SOX5: variants seen among roughly 807,000 people sequenced by gnomAD.
The protein encoded by SOX5 is SRY-box transcription factor 5, also known as transcription factor SOX-5.
SOX5 carries 9 observed loss-of-function variants against 92.0 expected under a neutral mutation model. The ratio of observed to expected loss-of-function variants is 0.10; its 90% CI spans 0.06 to 0.17. SOX5 has a LOEUF of 0.17. SOX5 is among the 10% of genes least tolerant of loss of function. The pLI, the probability that SOX5 is intolerant of heterozygous loss-of-function variation, is 1.00. For synonymous variants in SOX5, 344 were observed against 336.3 expected, an observed-to-expected ratio of 1.02 and a Z score of -0.25; for missense variants, 642 against 944.5, an observed-to-expected ratio of 0.68 and a Z score of 4.20.
intron 4 of SOX5, among the ~76,000 whole-genome samples, chr12:24,154,859 A>G (rs1036306602): frequency 2.6e-5 from 4 of 152,172 alleles, no homozygotes; most frequent in Admixed American, 2.0e-4. Flanking sequence ...GTTATTAGAT[A>G]TGGAAAATTG....
intron 1 of SOX5, among the ~76,000 whole-genome samples, chr12:24,396,753 A>G (rs1428341037): frequency 1.3e-5 from 2 of 152,254 alleles, no homozygotes; most frequent in Non-Finnish European, 2.9e-5. Flanking sequence ...TGTGTAGAGT[A>G]GGCCTAAATC....
At chr12:23,757,020 GA>G (rs913279060) in intron 3 of SOX5, among the ~76,000 whole-genome samples, 16 of 149,584 alleles carry the variant, frequency 1.1e-4, no homozygotes, top group African/African-American at 2.5e-4. Context: ...ATTTTCCTTG[GA>G]AAAAAAAAGT....
intron 1 of SOX5, among the ~76,000 whole-genome samples, chr12:23,904,293 C>A (rs571641849): frequency 2.5e-4 from 38 of 152,114 alleles, no homozygotes; most frequent in African/African-American, 8.7e-4. Flanking sequence ...ATAGAACATG[C>A]CAATCTCCAT....
intron 6 of SOX5, among the ~76,000 whole-genome samples, chr12:23,665,766 A>G (rs2083693145): frequency 1.3e-5 from 2 of 152,206 alleles, no homozygotes; most frequent in South Asian, 4.1e-4. Flanking sequence ...GCTGAAAGGT[A>G]TTATTAAGTC....
intron 3 of SOX5, among the ~76,000 whole-genome samples, chr12:23,784,358 A>C (rs559030121): frequency 4.6e-5 from 7 of 151,704 alleles, no homozygotes; most frequent in Admixed American, 1.3e-4. Flanking sequence ...ACAGAGTCTC[A>C]CTCTGTCACC....
At chr12:24,466,295 G>T (rs780734486) in intron 1 of SOX5, among the ~76,000 whole-genome samples, 1 of 151,434 alleles carries the variant, frequency 6.6e-6, no homozygotes, top group African/African-American at 2.4e-5. Context: ...CAGGCTGCTG[G>T]AGTGCAGTGG....
chr12:24,373,715 C>T (rs2136286413), intron 1 of SOX5, among the ~76,000 whole-genome samples: 1 of 152,194 alleles, frequency 6.6e-6, no homozygotes, highest in Admixed American at 6.5e-5. Flanking sequence ...GATATAGATT[C>T]TTAAACCATG....
At chr12:24,246,194 A>C (rs548781043) in intron 3 of SOX5, among the ~76,000 whole-genome samples, 1 of 151,998 alleles carries the variant, frequency 6.6e-6, no homozygotes, top group Non-Finnish European at 1.5e-5. Context: ...CTTAGTTGTC[A>C]CATCACATTG....
chr12:24,046,009 G>A (rs936317529), intron 4 of SOX5, among the ~76,000 whole-genome samples: 6 of 152,136 alleles, frequency 3.9e-5, no homozygotes, highest in Admixed American at 6.5e-5. Context: ...CCAGTTGCGC[G>A]GTTTGCCCCC....
At chr12:24,475,533 C>T (rs1945271508) in intron 1 of SOX5, among the ~76,000 whole-genome samples, 1 of 152,250 alleles carries the variant, frequency 6.6e-6, no homozygotes, top group African/African-American at 2.4e-5. Flanking sequence ...AGGACCTGCA[C>T]TGTCACCTCT....
At chr12:23,588,116 G>C (rs894241647) in intron 9 of SOX5, among the ~76,000 whole-genome samples, 1 of 152,016 alleles carries the variant, frequency 6.6e-6, no homozygotes, top group Non-Finnish European at 1.5e-5. Flanking sequence ...GTTAAGGCCA[G>C]TTTTTATGTT....
rs1003585408 is a variant in SOX5, at chr12:24,548,616, G to A, written c.-251+13713C>T. Among the ~76,000 whole-genome samples the A allele has an allele frequency of 2.6e-5, 4 of 152,224 alleles. No homozygotes were observed. The East Asian group carries it at 5.8e-4, about 22-fold the overall frequency. On this transcript the variant is annotated intron_variant, in intron 1 of 4. Coordinates refer to the SOX5 transcript ENST00000446891. ...GCTGTGAAACATGGAAACACTGGGA[G>A]ATGACCAGAGGGAGTATCCCAATAG...
In SOX5 at chr12:23,607,274, C is replaced by T. The variant is rs547903476; in HGVS notation, c.1018-2741G>A. ...GATATGTTTTCCTAAAAGTTATATT[C>T]TAACACAAAAGCAAAAATGAACCCC... On this transcript the variant is annotated intron_variant, in intron 8 of 14. Transcript: ENST00000451604. Among the ~76,000 whole-genome samples, 240 of 152,254 alleles carry T rather than the reference C, an allele frequency of 1.6e-3. 1 individual carries two copies. The highest frequency in any genetic ancestry group is 0.014 in the Middle Eastern group (4 of 294).
At chr12:23,906,590 G>T (rs1438656035) in intron 1 of SOX5, among the ~76,000 whole-genome samples, 1 of 152,208 alleles carries the variant, frequency 6.6e-6, no homozygotes, top group African/African-American at 2.4e-5. Flanking sequence ...TCGGCTCCTT[G>T]TGTGTCTGAA....
At chr12:24,539,652 A>G (rs1325658984) in intron 1 of SOX5, among the ~76,000 whole-genome samples, 1 of 152,112 alleles carries the variant, frequency 6.6e-6, no homozygotes, top group African/African-American at 2.4e-5. Flanking sequence ...CCTTATACTC[A>G]GAAAAGAAAA....
intron 12 of SOX5, among the ~76,000 whole-genome samples, 185 bp from the exon 13 acceptor site, chr12:23,543,569 G>A (rs1942529782): frequency 6.6e-6 from 1 of 152,144 alleles, no homozygotes; most frequent in Non-Finnish European, 1.5e-5. Context: ...GGTGGCAAAT[G>A]TTATATTTGT....
chr12:23,722,497 A>C (rs1018604278), intron 6 of SOX5, among the ~76,000 whole-genome samples: 3 of 152,308 alleles, frequency 2.0e-5, no homozygotes, highest in South Asian at 2.1e-4. Context: ...GGAAGTCTAT[A>C]GTTACATATT....
chr12:24,355,127 G>A (rs1954632518), intron 2 of SOX5, among the ~76,000 whole-genome samples: 1 of 151,996 alleles, frequency 6.6e-6, no homozygotes, highest in African/African-American at 2.4e-5. Flanking sequence ...ACCCAAATGT[G>A]TAAATGAAAA....
Position 24,122,193 on chromosome 12 carries a change from C to T in SOX5, c.-2+91150G>A, listed in dbSNP as rs951739024. Among the ~76,000 whole-genome samples, 15 of 152,270 alleles carry T rather than the reference C, an allele frequency of 9.9e-5. No homozygotes were observed. In the South Asian group the frequency reaches 1.9e-3, roughly 19 times the overall value. On this transcript the variant is annotated intron_variant, in intron 4 of 4. Transcript: ENST00000446891. Reference sequence around the variant, plus strand: ...TGGAAATGTTAAACAGATGATGTTACGATCCCGAAGCATTTCTTTGAAGAA... The same window carrying T: ...TGGAAATGTTAAACAGATGATGTTATGATCCCGAAGCATTTCTTTGAAGAA...
Sources: allele counts gnomAD v4.1 joint callset (sites outside exome capture counted in the v4.1 genomes callset), GRCh38; gene constraint gnomAD v4.1.1; transcripts MANE v1.5; gene names NCBI Gene and HGNC (gene_info 2026-07-23, HGNC 2026-07-21).